ARHGAP24: variants seen among roughly 807,000 people sequenced by gnomAD.
ARHGAP24 encodes rho GTPase-activating protein 24.
In ARHGAP24, 50 loss-of-function variants were observed where a neutral mutation model predicts 76.4. The observed-to-expected ratio is 0.65, with a 90% CI of 0.52 to 0.83. ARHGAP24 has a LOEUF of 0.83. Among genes scored for constraint, ARHGAP24 ranks in the 40% least tolerant of loss-of-function variants. The pLI is 0.00. For missense variants in ARHGAP24, 930 were observed against 914.2 expected, an observed-to-expected ratio of 1.02 and a Z score of -0.22; for synonymous variants, 345 against 323.3, an observed-to-expected ratio of 1.07 and a Z score of -0.72.
chr4:85,555,730 C>T (rs1489563586), intron 1 of ARHGAP24, among the ~76,000 whole-genome samples: 1 of 152,150 alleles, frequency 6.6e-6, no homozygotes, highest in African/African-American at 2.4e-5. Context: ...GAGGGCCTTT[C>T]ACTTGTCTCT....
intron 3 of ARHGAP24, among the ~76,000 whole-genome samples, chr4:85,754,837 C>T (rs544902156): frequency 2.0e-5 from 3 of 152,258 alleles, no homozygotes; most frequent in South Asian, 2.1e-4. Flanking sequence ...TGTTATCATG[C>T]GACACTGAGC....
At chr4:85,617,897 A>C (rs1720592506) in intron 2 of ARHGAP24, among the ~76,000 whole-genome samples, 1 of 152,156 alleles carries the variant, frequency 6.6e-6, no homozygotes, top group African/African-American at 2.4e-5. Flanking sequence ...TAAAGTGTAC[A>C]ATGTGGTCTT....
chr4:85,663,763 T>G (rs1453885543), intron 2 of ARHGAP24, among the ~76,000 whole-genome samples: 1 of 151,902 alleles, frequency 6.6e-6, no homozygotes, highest in Non-Finnish European at 1.5e-5. Flanking sequence ...TTTTTCTGCA[T>G]CTATTGAGAT....
chr4:85,846,652 C>T (rs568257723), intron 3 of ARHGAP24, among the ~76,000 whole-genome samples: 64 of 152,304 alleles, frequency 4.2e-4, no homozygotes, highest in African/African-American at 8.9e-4. Context: ...TTCACTCTAC[C>T]TTGTTATCTT....
At chr4:85,607,683 C>CTT (rs1160443073) in intron 2 of ARHGAP24, among the ~76,000 whole-genome samples, 5 of 123,290 alleles carry the variant, frequency 4.1e-5, no homozygotes, top group South Asian at 2.6e-4. Flanking sequence ...CTTTTCTTTT[C>CTT]TTTTTTTTTT....
At chr4:85,903,971 G>C (rs545232751) in intron 3 of ARHGAP24, among the ~76,000 whole-genome samples, 1 of 151,950 alleles carries the variant, frequency 6.6e-6, no homozygotes, top group Non-Finnish European at 1.5e-5. Context: ...TGCAGAGGGG[G>C]AAATTAAAAA....
In ARHGAP24 at chr4:85,748,976, G is replaced by A. The variant is rs369891481; in HGVS notation, c.268+27004G>A. Reference sequence around the variant, plus strand: ...TCTCTCCCTCAACGTGGCAGAATACGGTCACCAACAACTCTAAAGATGTTA... The same window carrying A: ...TCTCTCCCTCAACGTGGCAGAATACAGTCACCAACAACTCTAAAGATGTTA... On this transcript the variant is annotated intron_variant, in intron 3 of 9. Transcript: ENST00000395184. Among the ~76,000 whole-genome samples the A allele has an allele frequency of 1.8e-4, 27 of 152,170 alleles. 1 individual carries two copies. Among genetic ancestry groups the A allele is most frequent in the East Asian group, 1.2e-3 (6 of 5,178 alleles).
intron 2 of ARHGAP24, among the ~76,000 whole-genome samples, chr4:85,696,200 T>C (rs1723858518): frequency 6.6e-6 from 1 of 152,064 alleles, no homozygotes; most frequent in African/African-American, 2.4e-5. Context: ...ATTGAATGTA[T>C]TTATTTCTTC....
At chr4:85,966,828 G>A (rs1350924598) in intron 5 of ARHGAP24, among the ~76,000 whole-genome samples, 1 of 152,064 alleles carries the variant, frequency 6.6e-6, no homozygotes, top group South Asian at 2.1e-4. Flanking sequence ...TTGCAGATAA[G>A]TTCACAATAT....
intron 1 of ARHGAP24, among the ~76,000 whole-genome samples, chr4:85,508,953 C>A (rs758293857): frequency 6.6e-6 from 1 of 152,086 alleles, no homozygotes; most frequent in African/African-American, 2.4e-5. Context: ...GGTCTGGCTC[C>A]TTCTGCCCTT....
chr4:85,728,244 A>C (rs1280534181), intron 3 of ARHGAP24, among the ~76,000 whole-genome samples: 1 of 151,562 alleles, frequency 6.6e-6, no homozygotes, highest in African/African-American at 2.4e-5. Context: ...AAAAAAAAAA[A>C]AAAAAAAAAG....
At chr4:85,849,349 T>C (rs1731083611) in intron 3 of ARHGAP24, among the ~76,000 whole-genome samples, 1 of 151,826 alleles carries the variant, frequency 6.6e-6, no homozygotes, top group African/African-American at 2.4e-5. Context: ...TATTTTGGGC[T>C]GAGACGATGG....
At chr4:85,493,439 C>CACTT (rs1168976713) in intron 1 of ARHGAP24, among the ~76,000 whole-genome samples, 1 of 152,210 alleles carries the variant, frequency 6.6e-6, no homozygotes, top group Non-Finnish European at 1.5e-5. Context: ...CCTTACCCCC[C>CACTT]ACTTACTTAC....
intron 2 of ARHGAP24, among the ~76,000 whole-genome samples, chr4:85,705,505 G>A (rs1000622395): frequency 2.0e-5 from 3 of 152,194 alleles, no homozygotes; most frequent in Non-Finnish European, 4.4e-5. Context: ...TGTAGAGATA[G>A]CAACATTTTA....
chr4:85,981,955 A>G (rs944671668), intron 8 of ARHGAP24, among the ~76,000 whole-genome samples: 2 of 152,048 alleles, frequency 1.3e-5, no homozygotes, highest in Non-Finnish European at 2.9e-5. Flanking sequence ...CAGAGCCCCC[A>G]TTGCTCCTCT....
intron 9 of ARHGAP24, chr4:85,999,841 G>A (rs1740899237): frequency 6.6e-6 from 1 of 152,292 alleles, no homozygotes; most frequent in African/African-American, 2.4e-5. Flanking sequence ...TTGGGAAGCA[G>A]TGAGAATTGG....
chr4:85,950,838 T>G (rs1737573386), intron 5 of ARHGAP24, among the ~76,000 whole-genome samples: 1 of 151,910 alleles, frequency 6.6e-6, no homozygotes, highest in Non-Finnish European at 1.5e-5. Flanking sequence ...ACCTGGCTAA[T>G]TTTTGTATTT....
At chr4:85,761,411 A>T (rs566174214) in intron 3 of ARHGAP24, among the ~76,000 whole-genome samples, 1 of 152,272 alleles carries the variant, frequency 6.6e-6, no homozygotes, top group East Asian at 1.9e-4. Context: ...CACCTAAAAG[A>T]GTCCATTGGA....
chr4:85,980,997 A>G lies in ARHGAP24; in HGVS notation c.928+3306A>G, dbSNP rs76498436. Among the ~76,000 whole-genome samples the G allele has an allele frequency of 1.1e-4, 17 of 152,308 alleles. No homozygotes were observed. The East Asian group carries it at 3.3e-3, about 29-fold the overall frequency. Reference sequence around the variant, plus strand: ...TTTTACTTAGGAATGTTCTTACTGAACAGTAAAATATATTAATTGCATTAA... The same window carrying G: ...TTTTACTTAGGAATGTTCTTACTGAGCAGTAAAATATATTAATTGCATTAA... On this transcript the variant is annotated intron_variant, in intron 8 of 9. Coordinates refer to ENST00000395184, the MANE Select transcript of ARHGAP24 (RefSeq NM_001025616.3).
Sources: allele counts gnomAD v4.1 joint callset (sites outside exome capture counted in the v4.1 genomes callset), GRCh38; gene constraint gnomAD v4.1.1; transcripts MANE v1.5; gene names NCBI Gene and HGNC (gene_info 2026-07-23, HGNC 2026-07-21).